The following STRBP variants were observed in gnomAD, a reference collection of about 807,000 sequenced individuals.
STRBP encodes the protein spermatid perinuclear RNA binding protein, also known as spermatid perinuclear RNA-binding protein.
A neutral mutation model predicts 80.1 loss-of-function variants in STRBP; 13 were observed. The ratio of observed to expected loss-of-function variants is 0.16; its 90% CI spans 0.11 to 0.26. STRBP has a LOEUF of 0.26. Ranked by LOEUF, STRBP falls within the 10% of genes least tolerant of loss-of-function variation. The pLI is 1.00. For synonymous variants in STRBP, 284 were observed against 291.2 expected (o/e 0.98, Z 0.25); for missense variants, 485 against 815.2 (o/e 0.59, Z 4.93).
chr9:123,159,063 G>C (rs1467813418), intron 9 of STRBP, 33 bp downstream of exon 9: 5 of 1,524,158 alleles, frequency 3.3e-6, no homozygotes, highest in Non-Finnish European at 4.5e-6. Flanking sequence ...GAGATTTGCT[G>C]ATTGTTCTGC....
chr9:123,249,732 T>G (rs2040872967), intron 1 of STRBP, among the ~76,000 whole-genome samples: 1 of 152,188 alleles, frequency 6.6e-6, no homozygotes, highest in South Asian at 2.1e-4. Flanking sequence ...CTTACCAATT[T>G]TTCTAACTTT....
chr9:123,152,166 CA>C (rs1357061799), intron 11 of STRBP, among the ~76,000 whole-genome samples: 3 of 152,112 alleles, frequency 2.0e-5, no homozygotes, highest in African/African-American at 7.2e-5. Context: ...AACATTTCCA[CA>C]AAGAAAACAC....
Position 123,170,017 on chromosome 9 carries a change from T to C in STRBP, c.420A>G (p.Glu140=). The C allele has an allele frequency of 6.2e-7, 1 of 1,609,764 alleles. No individual in the cohort carries two copies. Among genetic ancestry groups the C allele is most frequent in the Non-Finnish European group, 8.5e-7 (1 of 1,178,588 alleles). ...TAATAGATGCCTCATTTACACATTG[T>C]TCCACTTGATATTTCTCTTCTGTGA... ...QKLTEEKYQV[E]QCVNEASIII... The change falls in exon 6 of 19, where the codon GAA becomes GAG. Residue 140 remains glutamate, a synonymous_variant. Coordinates refer to ENST00000348403, the MANE Select transcript of STRBP (RefSeq NM_018387.5).
At chr9:123,236,242 A>T (rs890039029) in intron 2 of STRBP, among the ~76,000 whole-genome samples, 1 of 152,214 alleles carries the variant, frequency 6.6e-6, no homozygotes, top group Non-Finnish European at 1.5e-5. Flanking sequence ...TGAACACTGT[A>T]TTTCACAATA....
intron 3 of STRBP, among the ~76,000 whole-genome samples, chr9:123,181,282 A>C (rs977727088): frequency 8.5e-5 from 13 of 152,216 alleles, no homozygotes; most frequent in African/African-American, 3.1e-4. Flanking sequence ...GTACTAGAGA[A>C]CAAAAGAGCC....
chr9:123,192,346 T>C (rs536816529), intron 2 of STRBP, among the ~76,000 whole-genome samples: 26 of 152,154 alleles, frequency 1.7e-4, no homozygotes, highest in Non-Finnish European at 1.3e-4. Flanking sequence ...ACAACTATAC[T>C]CAAAGAAGGA....
chr9:123,216,426 T>C lies in STRBP; in HGVS notation c.-165+20404A>G, dbSNP rs547745346. Among the ~76,000 whole-genome samples, 9 of 152,332 alleles carry C rather than the reference T, an allele frequency of 5.9e-5. No homozygotes were observed. In the East Asian group the frequency reaches 1.7e-3, roughly 29 times the overall value. On this transcript the variant is annotated intron_variant, in intron 2 of 18. Coordinates refer to ENST00000348403, the MANE Select transcript of STRBP (RefSeq NM_018387.5). The stretch of plus-strand genomic sequence containing the variant: ...AATTATAATTCCTGGTACTTCAGGG[T>C]GGGAATACGTGCAACTCCTCATCAT...
intron 14 of STRBP, among the ~76,000 whole-genome samples, chr9:123,138,782 G>C (rs577927032): frequency 5.5e-4 from 84 of 152,152 alleles, no homozygotes; most frequent in South Asian, 1.0e-3. Flanking sequence ...GCACTAAGCA[G>C]GTATTAAAAG....
At chr9:123,234,422 T>C (rs1274052879) in intron 2 of STRBP, among the ~76,000 whole-genome samples, 8 of 150,312 alleles carry the variant, frequency 5.3e-5, no homozygotes, top group Admixed American at 5.3e-4. Flanking sequence ...CTGTTAAAAC[T>C]GGTCAAAAAG....
At chr9:123,241,831 C>T (rs575803337) in intron 1 of STRBP, among the ~76,000 whole-genome samples, 2 of 152,170 alleles carry the variant, frequency 1.3e-5, no homozygotes, top group Admixed American at 1.3e-4. Context: ...CTCCCTTAAT[C>T]GAAACATTCC....
At chr9:123,251,358 A>G (rs1273352757) in intron 1 of STRBP, among the ~76,000 whole-genome samples, 3 of 152,140 alleles carry the variant, frequency 2.0e-5, no homozygotes, top group African/African-American at 7.2e-5. Context: ...AAGACCCCTC[A>G]AGACCCCACA....
chr9:123,257,926 T>C (rs1169448634), intron 1 of STRBP, among the ~76,000 whole-genome samples: 1 of 151,972 alleles, frequency 6.6e-6, no homozygotes, highest in Non-Finnish European at 1.5e-5. Context: ...TTATTATATC[T>C]ATATCTTTGT....
At chr9:123,116,539 C>G (rs2035648388) in intron 2 of STRBP, among the ~76,000 whole-genome samples, 1 of 152,146 alleles carries the variant, frequency 6.6e-6, no homozygotes, top group Non-Finnish European at 1.5e-5. Flanking sequence ...AACAAAGGAA[C>G]AGAAAAAGAA....
At chr9:123,152,208 A>G (rs2037087266) in intron 11 of STRBP, among the ~76,000 whole-genome samples, 1 of 152,182 alleles carries the variant, frequency 6.6e-6, no homozygotes, top group South Asian at 2.1e-4. Flanking sequence ...TAATTCTTCC[A>G]ACAGTTAAAG....
At chr9:123,232,853 TA>T (rs2040436769) in intron 2 of STRBP, among the ~76,000 whole-genome samples, 1 of 152,214 alleles carries the variant, frequency 6.6e-6, no homozygotes, top group Non-Finnish European at 1.5e-5. Flanking sequence ...CGATTATCTG[TA>T]GAAGACAGCT....
chr9:123,242,055 T>C (rs149041580), intron 1 of STRBP, among the ~76,000 whole-genome samples: 1 of 152,194 alleles, frequency 6.6e-6, no homozygotes, highest in Non-Finnish European at 1.5e-5. Context: ...CTGCCTGGAA[T>C]AGTCTTCTCC....
intron 2 of STRBP, among the ~76,000 whole-genome samples, chr9:123,199,223 C>G (rs916944720): frequency 6.6e-6 from 1 of 152,146 alleles, no homozygotes; most frequent in African/African-American, 2.4e-5. Flanking sequence ...CGTGAGCCAC[C>G]GCACCCAGCC....
intron 7 of STRBP, among the ~76,000 whole-genome samples, chr9:123,160,767 TA>T (rs2037489656): frequency 6.6e-6 from 1 of 152,214 alleles, no homozygotes; most frequent in African/African-American, 2.4e-5. Flanking sequence ...TTCAGAATAC[TA>T]AGCCAAAAAG....
chr9:123,220,392 T>C (rs977907568), intron 2 of STRBP, among the ~76,000 whole-genome samples: 2 of 152,164 alleles, frequency 1.3e-5, no homozygotes, highest in Admixed American at 6.5e-5. Flanking sequence ...CCAAATACGG[T>C]TGTAGGCAAC....
Sources: gnomAD v4.1 joint callset for allele counts (sites outside exome capture counted in the v4.1 genomes callset) on GRCh38, gnomAD v4.1.1 for gene constraint, MANE v1.5 for transcripts, NCBI Gene and HGNC (gene_info 2026-07-23, HGNC 2026-07-21) for gene names.